The following SLIT3 variants were observed in gnomAD, a reference collection of about 807,000 sequenced individuals.
SLIT3 encodes the protein slit guidance ligand 3, also known as slit homolog 3 protein.
Under a neutral mutation model 184.0 loss-of-function variants are expected in SLIT3, and 68 were observed. The observed-to-expected ratio is 0.37, with a 90% CI of 0.30 to 0.45. SLIT3 has a LOEUF of 0.45. SLIT3 is among the 20% of genes least tolerant of loss of function. The pLI is 1.00. For missense variants in SLIT3, 1,707 were observed against 2,026.0 expected (o/e 0.84, Z 3.02); for synonymous variants, 831 against 828.6 (o/e 1.00, Z -0.05).
At chr5:169,109,380 T>C (rs1419837503) in intron 4 of SLIT3, among the ~76,000 whole-genome samples, 1 of 152,142 alleles carries the variant, frequency 6.6e-6, no homozygotes, top group Non-Finnish European at 1.5e-5. Context: ...TGCCAACAAC[T>C]GAATGAGCTT....
rs867391480 is a variant in SLIT3, at chr5:169,181,758, A to T, written c.413+11721T>A. 7.2e-3 allele frequency among the ~76,000 whole-genome samples: 1,045 copies of T among 144,902 alleles called. 4 individuals carry two copies. The highest frequency in any genetic ancestry group is 0.018 in the Middle Eastern group (5 of 282). ...TTCATCTCAAAAAAAAAAAAAAATT[A>T]TTGAAGTTAGATTTATCTGAGTATC... On this transcript the variant is annotated intron_variant, in intron 4 of 35. Transcript: ENST00000519560.
At chr5:169,060,692 A>G (rs901240180) in intron 4 of SLIT3, among the ~76,000 whole-genome samples, 1 of 152,238 alleles carries the variant, frequency 6.6e-6, no homozygotes, top group Admixed American at 6.5e-5. Flanking sequence ...TCCTGGGGGA[A>G]TTTCAGCCTA....
At chr5:169,193,117 C>T (rs1581039170) in intron 4 of SLIT3, among the ~76,000 whole-genome samples, 1 of 152,290 alleles carries the variant, frequency 6.6e-6, no homozygotes, top group African/African-American at 2.4e-5. Flanking sequence ...CCTTCTGAGA[C>T]CACTGACAGT....
chr5:168,831,700 C>G (rs972273482), intron 6 of SLIT3, among the ~76,000 whole-genome samples: 12 of 152,094 alleles, frequency 7.9e-5, no homozygotes, highest in Admixed American at 1.3e-4. Flanking sequence ...CTCTCACCGC[C>G]AAGTAACATT....
chr5:168,789,999 C>T (rs1042523448), intron 10 of SLIT3: 6 of 185,472 alleles, frequency 3.2e-5, no homozygotes, highest in South Asian at 1.5e-4. Flanking sequence ...AAACAGGAAC[C>T]GGCTTCACCC....
At chr5:168,716,171 T>G (rs1287816960) in intron 23 of SLIT3, among the ~76,000 whole-genome samples, 1 of 152,096 alleles carries the variant, frequency 6.6e-6, no homozygotes, top group African/African-American at 2.4e-5. Flanking sequence ...GAGACAGTGT[T>G]TCACCCTGTT....
intron 4 of SLIT3, among the ~76,000 whole-genome samples, chr5:169,005,225 T>C (rs2113435995): frequency 6.6e-6 from 1 of 152,254 alleles, no homozygotes; most frequent in East Asian, 1.9e-4. Flanking sequence ...TGTAATTCAC[T>C]TTATTGCGAT....
intron 32 of SLIT3, among the ~76,000 whole-genome samples, chr5:168,682,948 A>G (rs1386539165): frequency 6.6e-6 from 1 of 152,010 alleles, no homozygotes; most frequent in Admixed American, 6.5e-5. Context: ...AATATTTATA[A>G]CTAAATTTTT....
chr5:169,126,942 C>G (rs953860127), intron 4 of SLIT3, among the ~76,000 whole-genome samples: 1 of 91,206 alleles, frequency 1.1e-5, no homozygotes, highest in East Asian at 2.1e-4. Context: ...CAGGACTTCA[C>G]GATCCACATA....
At chr5:168,979,305 T>C (rs1240765937) in intron 4 of SLIT3, among the ~76,000 whole-genome samples, 2 of 152,142 alleles carry the variant, frequency 1.3e-5, no homozygotes, top group East Asian at 3.9e-4. Context: ...GATGTGCACT[T>C]GGAGGCCAGA....
chr5:168,942,496 C>T (rs575704713), intron 4 of SLIT3, among the ~76,000 whole-genome samples: 124 of 152,320 alleles, frequency 8.1e-4, no homozygotes, highest in Admixed American at 1.6e-3. Context: ...CAAAATGTAT[C>T]TATGCACATT....
chr5:168,690,996 C>T (rs552999168), intron 29 of SLIT3, among the ~76,000 whole-genome samples: 3 of 152,314 alleles, frequency 2.0e-5, no homozygotes, highest in South Asian at 4.2e-4. Context: ...GGGTCACCCA[C>T]ATTCTATTCC....
intron 29 of SLIT3, among the ~76,000 whole-genome samples, chr5:168,690,720 C>G (rs1386394648): frequency 6.6e-6 from 1 of 152,138 alleles, no homozygotes; most frequent in African/African-American, 2.4e-5. Context: ...CCTGGCATAT[C>G]TGAGGGGGCA....
At chr5:169,204,316 A>G (rs1171155108) in intron 3 of SLIT3, among the ~76,000 whole-genome samples, 2 of 152,194 alleles carry the variant, frequency 1.3e-5, no homozygotes, top group Non-Finnish European at 2.9e-5. Context: ...TGCTTGGTCC[A>G]AAGATGGGCA....
intron 4 of SLIT3, among the ~76,000 whole-genome samples, chr5:169,163,233 A>T (rs545276467): frequency 6.6e-6 from 1 of 152,238 alleles, no homozygotes; most frequent in East Asian, 1.9e-4. Flanking sequence ...AGGCAGGAGA[A>T]TCGCTTGAAC....
chr5:168,905,104 G>T (rs1287414184), intron 4 of SLIT3, among the ~76,000 whole-genome samples: 1 of 152,136 alleles, frequency 6.6e-6, no homozygotes, highest in Non-Finnish European at 1.5e-5. Flanking sequence ...TCGAACCCGG[G>T]AGGCGGAGGA....
chr5:169,003,875 C>T (rs1755813887), intron 4 of SLIT3, among the ~76,000 whole-genome samples: 1 of 151,980 alleles, frequency 6.6e-6, no homozygotes, highest in African/African-American at 2.4e-5. Context: ...CTGGAGGGGG[C>T]AGCGTTCTCG....
intron 4 of SLIT3, among the ~76,000 whole-genome samples, chr5:168,965,265 T>G (rs895756375): frequency 6.6e-6 from 1 of 152,212 alleles, no homozygotes; most frequent in African/African-American, 2.4e-5. Context: ...TATAAGCCTA[T>G]TCTCCTAGCA....
chr5:169,194,442 T>C (rs936012939), intron 3 of SLIT3, among the ~76,000 whole-genome samples: 11 of 152,076 alleles, frequency 7.2e-5, no homozygotes, highest in Non-Finnish European at 1.2e-4. Flanking sequence ...TAGGATTCCA[T>C]TGTGAGTTTT....
Sources: gnomAD v4.1 joint callset for allele counts (sites outside exome capture counted in the v4.1 genomes callset) on GRCh38, gnomAD v4.1.1 for gene constraint, MANE v1.5 for transcripts, NCBI Gene and HGNC (gene_info 2026-07-23, HGNC 2026-07-21) for gene names.